Variants in CEP85L observed in about 807,000 individuals in gnomAD.
CEP85L encodes centrosomal protein of 85 kDa-like.
A neutral mutation model predicts 100.3 loss-of-function variants in CEP85L; 60 were observed. That is an observed-to-expected ratio of 0.60 (90% CI 0.49 to 0.74). The LOEUF is 0.74. CEP85L is among the 30% of genes least tolerant of loss of function. CEP85L has a pLI of 0.00. For synonymous variants in CEP85L, 319 were observed against 322.7 expected (o/e 0.99, Z 0.12); for missense variants, 973 against 936.2 (o/e 1.04, Z -0.51).
intron 12 of CEP85L, among the ~76,000 whole-genome samples, chr6:118,466,743 T>C (rs1288478840): frequency 6.6e-6 from 1 of 152,100 alleles, no homozygotes; most frequent in African/African-American, 2.4e-5. Context: ...CAGAGCAGTG[T>C]AGGCATTAGG....
At chr6:118,567,077 A>G (rs895505035) in intron 2 of CEP85L, among the ~76,000 whole-genome samples, 2 of 151,758 alleles carry the variant, frequency 1.3e-5, no homozygotes, top group Non-Finnish European at 2.9e-5. Context: ...AACCTCCCCA[A>G]ACTCTAATTC....
intron 1 of CEP85L, among the ~76,000 whole-genome samples, chr6:118,662,378 A>G (rs980551398): frequency 6.6e-6 from 1 of 151,944 alleles, no homozygotes; most frequent in African/African-American, 2.4e-5. Flanking sequence ...GAAAATACAA[A>G]AATTAGCTGG....
At chr6:118,701,353 G>A (rs1468829996) in intron 1 of CEP85L, among the ~76,000 whole-genome samples, 1 of 152,178 alleles carries the variant, frequency 6.6e-6, no homozygotes, top group Non-Finnish European at 1.5e-5. Context: ...ATTCACAATA[G>A]CAAAGACATG....
intron 1 of CEP85L, among the ~76,000 whole-genome samples, chr6:118,705,482 C>T (rs528951839): frequency 1.3e-5 from 2 of 152,198 alleles, no homozygotes; most frequent in African/African-American, 2.4e-5. Flanking sequence ...GCCTTGACCC[C>T]GGAACCAAAT....
At chr6:118,505,025 G>A (rs1181741915) in intron 5 of CEP85L, among the ~76,000 whole-genome samples, 1 of 152,170 alleles carries the variant, frequency 6.6e-6, no homozygotes, top group East Asian at 1.9e-4. Context: ...ATGCCCTTCA[G>A]TAGGTGAAGG....
At chr6:118,691,785 T>C (rs1379566767) in intron 1 of CEP85L, among the ~76,000 whole-genome samples, 1 of 151,914 alleles carries the variant, frequency 6.6e-6, no homozygotes, top group East Asian at 1.9e-4. Flanking sequence ...TAAACCTCTG[T>C]GCTCAGCCAC....
chr6:118,482,514 G>A (rs1175845906), intron 7 of CEP85L, among the ~76,000 whole-genome samples: 3 of 152,106 alleles, frequency 2.0e-5, no homozygotes, highest in East Asian at 1.9e-4. Flanking sequence ...TAATCCATAC[G>A]ATAGCATGTG....
rs1334812541 is a variant in CEP85L at position 118,632,581 on chromosome 6, G to A, written c.104C>T (p.Ala35Val). Residue 35 changes from alanine to valine, a missense_variant, in exon 2 of 13, where the codon GCT (alanine) becomes GTT (valine). Physicochemically the swap from Ala to Val is moderately conservative, Grantham distance 64 (BLOSUM62 0). This residue lies in a region of CEP85L where 79 missense variants were observed against 73.3 expected (regional missense o/e 1.08). Transcript: ENST00000368491. ...GPDYSSAWLP[A>V]NESLWQATTV... is the part of the protein sequence containing the mutation. ...TGTGGCCTGCCACAATGATTCATTA[G>A]CAGGTAGCCATGCTGATGAATAATC... The A allele has an allele frequency of 6.2e-7, 1 of 1,611,956 alleles. No individual in the cohort carries two copies. The highest frequency in any genetic ancestry group is 1.3e-5 in the African/African-American group (1 of 74,906).
upstream of CEP85L, among the ~76,000 whole-genome samples, chr6:118,654,005 G>A (rs958357152): frequency 1.3e-5 from 2 of 152,100 alleles, no homozygotes; most frequent in African/African-American, 4.8e-5. Context: ...ATAAATCTTT[G>A]AACTGATTAA....
At chr6:118,467,402 C>T (rs930384748) in intron 12 of CEP85L, among the ~76,000 whole-genome samples, 44 of 152,054 alleles carry the variant, frequency 2.9e-4, no homozygotes, top group African/African-American at 9.7e-4. Context: ...AAGGCAGAAG[C>T]AGAACCTAGA....
intron 2 of CEP85L, among the ~76,000 whole-genome samples, chr6:118,602,098 G>A (rs557997575): frequency 6.6e-6 from 1 of 152,110 alleles, no homozygotes; most frequent in Non-Finnish European, 1.5e-5. Context: ...ATTGCAGAGG[G>A]ATGAAGATCC....
chr6:118,695,794 TGTAA>T (rs1230518916), intron 1 of CEP85L, among the ~76,000 whole-genome samples: 1 of 152,226 alleles, frequency 6.6e-6, no homozygotes, highest in African/African-American at 2.4e-5. Flanking sequence ...CATGATGGTA[TGTAA>T]GTAAGATGCC....
At chr6:118,634,845 T>G (rs964048971) in intron 1 of CEP85L, among the ~76,000 whole-genome samples, 5 of 152,204 alleles carry the variant, frequency 3.3e-5, no homozygotes, top group African/African-American at 1.2e-4. Context: ...ATAATTATTT[T>G]TTTTTAAGAA....
At chr6:118,554,154 G>C (rs1037247600) in intron 3 of CEP85L, among the ~76,000 whole-genome samples, 1 of 152,056 alleles carries the variant, frequency 6.6e-6, no homozygotes, top group Non-Finnish European at 1.5e-5. Flanking sequence ...CAGGCATGGT[G>C]GCGCACACCT....
At chr6:118,497,613 C>T (rs1193076762) in intron 5 of CEP85L, among the ~76,000 whole-genome samples, 1 of 152,162 alleles carries the variant, frequency 6.6e-6, no homozygotes. Context: ...GACCCTGGTG[C>T]CAAAAAGGTT....
chr6:118,515,163 A>G (rs1452914129), intron 4 of CEP85L, among the ~76,000 whole-genome samples: 1 of 152,132 alleles, frequency 6.6e-6, no homozygotes, highest in East Asian at 1.9e-4. Context: ...ATAACTTAAT[A>G]ATAATAAAAA....
At position 118,465,485 on chromosome 6, in the gene CEP85L, G is replaced by A. The variant is rs1772444972; in HGVS notation, c.2338C>T (p.Arg780Ter). The part of the protein sequence containing the change: ...TKKLSDVCQL[R>*]RDIDELRTTI... ...GTCCTTAATTCATCAATGTCTCTTC[G>A]TAACTGGCACACATCTGACAGCTTT... The change falls in exon 13 of 13, where the codon CGA (arginine) becomes TGA (stop). Residue 780 changes from arginine (R) to a stop codon, truncating the protein, a stop_gained. Coordinates refer to ENST00000368491, the MANE Select transcript of CEP85L (RefSeq NM_001042475.3). LOFTEE classifies it high-confidence loss of function. 6.2e-7 allele frequency: 1 copy of A among 1,613,594 alleles called. No homozygotes were observed. The highest frequency in any genetic ancestry group is 8.5e-7 in the Non-Finnish European group (1 of 1,179,656).
upstream of CEP85L, chr6:118,652,857 C>G: frequency 6.3e-6 from 5 of 787,824 alleles, no homozygotes; most frequent in Non-Finnish European, 1.0e-5. Context: ...TGATTGGTTC[C>G]TTTTTATTAT....
intron 2 of CEP85L, among the ~76,000 whole-genome samples, chr6:118,606,146 T>C (rs558267428): frequency 1.3e-5 from 2 of 152,112 alleles, no homozygotes; most frequent in South Asian, 4.1e-4. Flanking sequence ...GTTAAATATA[T>C]CTATAGCTTG....
Sources: allele counts gnomAD v4.1 joint callset (sites outside exome capture counted in the v4.1 genomes callset), GRCh38; gene constraint gnomAD v4.1.1; regional missense constraint gnomAD v4.1.1; transcripts MANE v1.5; gene names NCBI Gene and HGNC (gene_info 2026-07-23, HGNC 2026-07-21).